Variants in SEMA5B observed in about 807,000 individuals in gnomAD.
The protein encoded by SEMA5B is semaphorin-5B.
In SEMA5B, 66 loss-of-function variants were observed where a neutral mutation model predicts 135.0. That is an observed-to-expected ratio of 0.49 (90% CI 0.40 to 0.60). The LOEUF (loss-of-function observed/expected upper bound fraction) is 0.60, where lower values mean the gene tolerates loss of function less well. Ranked by LOEUF, SEMA5B falls within the 20% of genes least tolerant of loss-of-function variation. The probability of loss-of-function intolerance (pLI) is 0.00; values close to 1 mark genes in which losing one functional copy is unlikely to be tolerated. For missense variants in SEMA5B, 1,501 were observed against 1,566.3 expected (o/e 0.96, Z 0.70); for synonymous variants, 690 against 639.5 (o/e 1.08, Z -1.19).
chr3:122,992,060 G>A (rs906434450), intron 1 of SEMA5B, among the ~76,000 whole-genome samples: 3 of 152,116 alleles, frequency 2.0e-5, no homozygotes, highest in African/African-American at 7.2e-5. Flanking sequence ...CAAGGGGAAT[G>A]GTTTTGATGG....
chr3:122,990,998 A>T (rs1234255979), intron 1 of SEMA5B, among the ~76,000 whole-genome samples: 1 of 152,194 alleles, frequency 6.6e-6, no homozygotes, highest in Non-Finnish European at 1.5e-5. Flanking sequence ...GTATGCTCAC[A>T]CATGCTCCGG....
chr3:123,015,422 G>C (rs1200658020), intron 1 of SEMA5B, among the ~76,000 whole-genome samples: 1 of 152,198 alleles, frequency 6.6e-6, no homozygotes, highest in Non-Finnish European at 1.5e-5. Flanking sequence ...CACTAGCTAA[G>C]CATACGGGTA....
chr3:122,983,688 A>C (rs1226908522), intron 1 of SEMA5B, among the ~76,000 whole-genome samples: 1 of 126,588 alleles, frequency 7.9e-6, no homozygotes, highest in Non-Finnish European at 1.6e-5. Flanking sequence ...ACTGCACTCC[A>C]GCCTGGGCGA....
chr3:122,983,344 T>C (rs1235464627), intron 1 of SEMA5B, among the ~76,000 whole-genome samples: 2 of 152,178 alleles, frequency 1.3e-5, no homozygotes, highest in Non-Finnish European at 2.9e-5. Flanking sequence ...AACAATCTTT[T>C]TGCAGTCTAA....
intron 1 of SEMA5B, among the ~76,000 whole-genome samples, chr3:122,987,331 C>T (rs1941734067): frequency 6.6e-6 from 1 of 152,200 alleles, no homozygotes; most frequent in Non-Finnish European, 1.5e-5. Flanking sequence ...GTTGGTATCT[C>T]CACAGAATCC....
At chr3:122,978,004 C>T (rs1462029185) in intron 1 of SEMA5B, among the ~76,000 whole-genome samples, 1 of 152,262 alleles carries the variant, frequency 6.6e-6, no homozygotes, top group Non-Finnish European at 1.5e-5. Context: ...CTCTGCAAGA[C>T]TGTGTCCTAG....
intron 5 of SEMA5B, among the ~76,000 whole-genome samples, chr3:122,930,501 G>A (rs991943617): frequency 6.6e-6 from 1 of 152,238 alleles, no homozygotes; most frequent in African/African-American, 2.4e-5. Flanking sequence ...AAATCTCAGG[G>A]CTTCTGGGGA....
intron 1 of SEMA5B, among the ~76,000 whole-genome samples, chr3:123,017,512 A>G (rs1205917567): frequency 1.6e-4 from 25 of 152,198 alleles, no homozygotes; most frequent in Admixed American, 1.3e-3. Flanking sequence ...GTGAGTTTCA[A>G]ATAAGCACCA....
chr3:122,923,137 T>G (rs1376060536), intron 10 of SEMA5B, among the ~76,000 whole-genome samples: 1 of 152,184 alleles, frequency 6.6e-6, no homozygotes, highest in Non-Finnish European at 1.5e-5. Flanking sequence ...CTCTGCCCCC[T>G]GGTTCTTTCC....
chr3:122,975,857 C>G (rs1941299804), intron 1 of SEMA5B: 2 of 1,163,864 alleles, frequency 1.7e-6, no homozygotes, highest in Non-Finnish European at 2.4e-6. Flanking sequence ...GCCTACACAA[C>G]CAAATCCAAA....
intron 1 of SEMA5B, among the ~76,000 whole-genome samples, chr3:123,017,950 C>T (rs565536824): frequency 6.6e-6 from 1 of 151,966 alleles, no homozygotes; most frequent in Non-Finnish European, 1.5e-5. Context: ...TTTGCTGGAC[C>T]CCAGACCAGC....
intron 2 of SEMA5B, among the ~76,000 whole-genome samples, chr3:122,953,424 T>C (rs1003712120): frequency 5.9e-5 from 9 of 152,210 alleles, no homozygotes; most frequent in Non-Finnish European, 1.3e-4. Context: ...CAGCAGAAGT[T>C]CCATTCTCAT....
intron 12 of SEMA5B, among the ~76,000 whole-genome samples, chr3:122,918,832 G>T (rs1489410619): frequency 6.6e-6 from 1 of 152,106 alleles, no homozygotes; most frequent in African/African-American, 2.4e-5. Flanking sequence ...GCTGCTTTTG[G>T]CCAAAGGCCA....
intron 1 of SEMA5B, among the ~76,000 whole-genome samples, chr3:123,001,147 G>A (rs549630067): frequency 6.6e-6 from 1 of 152,178 alleles, no homozygotes; most frequent in South Asian, 2.1e-4. Context: ...AAGGCTGTGG[G>A]AAGAGACCAT....
At chr3:122,930,979 A>C (rs576481170) in intron 5 of SEMA5B, among the ~76,000 whole-genome samples, 9 of 152,308 alleles carry the variant, frequency 5.9e-5, no homozygotes, top group South Asian at 4.1e-4. Context: ...ATATGCCCCC[A>C]AAAAAGTATA....
At chr3:122,952,066 C>T (rs567736165) in intron 2 of SEMA5B, among the ~76,000 whole-genome samples, 1 of 152,188 alleles carries the variant, frequency 6.6e-6, no homozygotes, top group Non-Finnish European at 1.5e-5. Flanking sequence ...GGAATTAGGA[C>T]CCACAGCACC....
chr3:122,966,645 C>T (rs1310997227), intron 1 of SEMA5B, among the ~76,000 whole-genome samples: 3 of 150,382 alleles, frequency 2.0e-5, no homozygotes, highest in Non-Finnish European at 3.0e-5. Context: ...AGCTCCGCCT[C>T]CTGGGTTCAC....
At chr3:122,914,038 C>A in intron 14 of SEMA5B, 37 bp from the exon 15 acceptor site, 1 of 1,533,076 alleles carries the variant, frequency 6.5e-7, no homozygotes, top group Non-Finnish European at 8.8e-7. Flanking sequence ...AGATGCCCCT[C>A]TGAGCCCTAG....
chr3:122,997,429 G>A (rs1158932934), intron 1 of SEMA5B, among the ~76,000 whole-genome samples: 1 of 151,974 alleles, frequency 6.6e-6, no homozygotes, highest in African/African-American at 2.4e-5. Context: ...AGACCCGCCT[G>A]AGGTCAGAGC....
Sources: gnomAD v4.1 joint callset for allele counts (sites outside exome capture counted in the v4.1 genomes callset) on GRCh38, gnomAD v4.1.1 for gene constraint, MANE v1.5 for transcripts, NCBI Gene and HGNC (gene_info 2026-07-23, HGNC 2026-07-21) for gene names.